The following ANKFN1 variants were observed in gnomAD, a reference collection of about 807,000 sequenced individuals.
ANKFN1 encodes the protein ankyrin repeat and fibronectin type-III domain-containing protein 1.
Under a neutral mutation model 108.7 loss-of-function variants are expected in ANKFN1, and 74 were observed. The ratio of observed to expected loss-of-function variants is 0.68; its 90% CI spans 0.56 to 0.83. The LOEUF is 0.83. Among genes scored for constraint, ANKFN1 ranks in the 40% least tolerant of loss-of-function variants. The pLI, the probability that ANKFN1 is intolerant of heterozygous loss-of-function variation, is 0.00. For synonymous variants in ANKFN1, 547 were observed against 516.2 expected, an observed-to-expected ratio of 1.06 and a Z score of -0.81; for missense variants, 1,505 against 1,382.3, an observed-to-expected ratio of 1.09 and a Z score of -1.41.
At chr17:56,304,432 T>C (rs967842145) in intron 3 of ANKFN1, among the ~76,000 whole-genome samples, 2 of 150,916 alleles carry the variant, frequency 1.3e-5, no homozygotes, top group African/African-American at 5.0e-5. Flanking sequence ...TTGGCTAATA[T>C]GAATAAGGCT....
chr17:56,425,848 C>T (rs1240551665), intron 8 of ANKFN1, among the ~76,000 whole-genome samples: 1 of 152,174 alleles, frequency 6.6e-6, no homozygotes, highest in Non-Finnish European at 1.5e-5. Context: ...TTGACCGTCT[C>T]GCTTCCCACC....
At chr17:56,214,876 A>G (rs1472161498) in intron 2 of ANKFN1, among the ~76,000 whole-genome samples, 4 of 152,208 alleles carry the variant, frequency 2.6e-5, no homozygotes, top group African/African-American at 9.6e-5. Flanking sequence ...AACAAATAAT[A>G]TACAGCTATT....
intron 8 of ANKFN1, among the ~76,000 whole-genome samples, chr17:56,420,638 T>C (rs1159194636): frequency 6.6e-6 from 1 of 150,892 alleles, no homozygotes; most frequent in Non-Finnish European, 1.5e-5. Flanking sequence ...GCCTGGAAAC[T>C]CTGTGGCAGA....
At chr17:56,353,230 CT>C (rs1323080590) in intron 5 of ANKFN1, among the ~76,000 whole-genome samples, 6 of 146,976 alleles carry the variant, frequency 4.1e-5, no homozygotes, top group African/African-American at 1.4e-4. Context: ...CATAGAACAT[CT>C]CTTAATTACT....
At chr17:56,112,953 G>A (rs1906055470) in intron 4 of ANKFN1, among the ~76,000 whole-genome samples, 1 of 152,166 alleles carries the variant, frequency 6.6e-6, no homozygotes, top group Admixed American at 6.5e-5. Flanking sequence ...TACTTCTATA[G>A]CATTTCTATA....
intron 1 of ANKFN1, among the ~76,000 whole-genome samples, chr17:56,163,053 AAG>A: frequency 6.6e-6 from 1 of 151,398 alleles, no homozygotes; most frequent in East Asian, 1.9e-4. Flanking sequence ...AAAAGAAAAA[AAG>A]AAAAAAAAAA....
Position 56,477,579 on chromosome 17 carries a change from T to A in ANKFN1, c.1865T>A (p.Ile622Asn). 6.2e-7 allele frequency: 1 copy of A among 1,613,240 alleles called. No individual in the cohort carries two copies. Among genetic ancestry groups the A allele is most frequent in the Non-Finnish European group, 8.5e-7 (1 of 1,179,592 alleles). The change falls in exon 16 of 21, where the codon ATC becomes AAC. Residue 622 changes from isoleucine to asparagine, a missense_variant. Ile to Asn is a moderately radical substitution (Grantham distance 149). Coordinates refer to ENST00000682825, the MANE Select transcript of ANKFN1 (RefSeq NM_001370326.1). ...YLKLCSSVDQIKVLVTQKLPN... is the reference protein window; with the variant it reads ...YLKLCSSVDQNKVLVTQKLPN... ...AAGCTCTGTAGCTCTGTGGATCAAA[T>A]CAAAGTTCTTGTTACCCAAAAGTTG...
intron 4 of ANKFN1, among the ~76,000 whole-genome samples, chr17:56,108,197 G>A (rs781510609): frequency 1.2e-4 from 18 of 152,080 alleles, no homozygotes; most frequent in Non-Finnish European, 2.2e-4. Flanking sequence ...CACCATGCCC[G>A]GCTAATTTTT....
intron 8 of ANKFN1, among the ~76,000 whole-genome samples, chr17:56,437,558 C>T (rs1292848830): frequency 6.6e-6 from 1 of 152,048 alleles, no homozygotes; most frequent in Non-Finnish European, 1.5e-5. Flanking sequence ...AATTTCTTTG[C>T]AAATTTGCTA....
At chr17:56,463,200 A>G (rs901814322) in intron 14 of ANKFN1, among the ~76,000 whole-genome samples, 1 of 152,226 alleles carries the variant, frequency 6.6e-6, no homozygotes, top group African/African-American at 2.4e-5. Flanking sequence ...AATCTTTGCC[A>G]CAACCTAATG....
intron 5 of ANKFN1, among the ~76,000 whole-genome samples, chr17:56,351,843 G>T (rs560727517): frequency 7.4e-4 from 112 of 152,264 alleles, no homozygotes; most frequent in Non-Finnish European, 1.4e-3. Flanking sequence ...ATTTTTGCAG[G>T]GAGTAATGGC....
intron 3 of ANKFN1, among the ~76,000 whole-genome samples, chr17:56,280,086 T>G (rs1435933230): frequency 6.6e-6 from 1 of 150,828 alleles, no homozygotes; most frequent in Non-Finnish European, 1.5e-5. Context: ...CTCAGCTCAC[T>G]GCAACCTCCG....
rs564033990 is a variant in ANKFN1 at position 56,233,664 on chromosome 17, T to A, written c.53+5707T>A. ...CAACTCCTCCATTCCCTATATAATT[T>A]TATGTGGCCCTTCCAGGTGGCATGT... is the stretch of plus-strand genomic sequence containing the variant. On this transcript the variant is annotated intron_variant, in intron 3 of 20. Coordinates refer to ENST00000682825, the MANE Select transcript of ANKFN1 (RefSeq NM_001370326.1). Among the ~76,000 whole-genome samples, 53 of 152,134 alleles carry A rather than the reference T, an allele frequency of 3.5e-4. 1 individual carries two copies. The South Asian group carries it at 0.011, about 32-fold the overall frequency.
chr17:56,288,232 CTGT>C (rs1453990979), intron 3 of ANKFN1, among the ~76,000 whole-genome samples: 1 of 152,162 alleles, frequency 6.6e-6, no homozygotes, highest in Non-Finnish European at 1.5e-5. Context: ...ACCCAGAAAA[CTGT>C]TATTAGTTTC....
intron 2 of ANKFN1, among the ~76,000 whole-genome samples, chr17:56,217,332 T>C: frequency 6.6e-6 from 1 of 152,222 alleles, no homozygotes; most frequent in East Asian, 1.9e-4. Context: ...AGACCAACTG[T>C]GCATTTGCTA....
At chr17:56,506,356 A>G (rs1325543772) in intron 20 of ANKFN1, among the ~76,000 whole-genome samples, 1 of 152,164 alleles carries the variant, frequency 6.6e-6, no homozygotes, top group Non-Finnish European at 1.5e-5. Context: ...CCTACACCCA[A>G]TGAAAAGTTC....
intron 4 of ANKFN1, among the ~76,000 whole-genome samples, chr17:56,067,969 C>G (rs1905079654): frequency 6.6e-6 from 1 of 152,090 alleles, no homozygotes; most frequent in South Asian, 2.1e-4. Context: ...AAGCCTTAGC[C>G]TATCATCTAA....
chr17:56,067,801 A>G (rs1905077680), intron 4 of ANKFN1, among the ~76,000 whole-genome samples: 1 of 152,196 alleles, frequency 6.6e-6, no homozygotes, highest in Non-Finnish European at 1.5e-5. Context: ...GGAAGAGTGC[A>G]AAAACCAATA....
intron 2 of ANKFN1, among the ~76,000 whole-genome samples, chr17:56,219,845 G>C (rs1915714331): frequency 6.6e-6 from 1 of 152,198 alleles, no homozygotes; most frequent in African/African-American, 2.4e-5. Context: ...ACTGAAACCA[G>C]TACAAACTGT....
Sources: gnomAD v4.1 joint callset for allele counts (sites outside exome capture counted in the v4.1 genomes callset) on GRCh38, gnomAD v4.1.1 for gene constraint, MANE v1.5 for transcripts, NCBI Gene and HGNC (gene_info 2026-07-23, HGNC 2026-07-21) for gene names.